The following DENND4A variants were observed in gnomAD, a reference collection of about 807,000 sequenced individuals.
DENND4A encodes DENN domain containing 4A.
DENND4A carries 70 observed loss-of-function variants against 199.3 expected under a neutral mutation model. The observed-to-expected ratio is 0.35, with a 90% CI of 0.29 to 0.43. The LOEUF is 0.43. DENND4A is among the 20% of genes least tolerant of loss of function. The pLI, the probability that DENND4A is intolerant of heterozygous loss-of-function variation, is 1.00. For synonymous variants in DENND4A, 686 were observed against 766.9 expected (o/e 0.89, Z 1.74); for missense variants, 1,723 against 2,255.8 (o/e 0.76, Z 4.78).
At chr15:65,727,343 C>A (rs1007494880) in intron 11 of DENND4A, among the ~76,000 whole-genome samples, 1 of 150,280 alleles carries the variant, frequency 6.7e-6, no homozygotes, top group Non-Finnish European at 1.5e-5. Context: ...GTCCCAGCTA[C>A]TTGGGAGGCT....
intron 4 of DENND4A, 53 bp downstream of exon 4, chr15:65,752,322 TAAAA>T: frequency 6.1e-6 from 3 of 490,722 alleles, no homozygotes; most frequent in Non-Finnish European, 9.6e-6. Context: ...AAGATGTATT[TAAAA>T]TTATGCTCTT....
At chr15:65,723,729 A>G (rs1342420562) in intron 11 of DENND4A, among the ~76,000 whole-genome samples, 2 of 152,178 alleles carry the variant, frequency 1.3e-5, no homozygotes, top group Non-Finnish European at 2.9e-5. Flanking sequence ...CGATAACAAT[A>G]ATTTATAATA....
At position 65,669,328 on chromosome 15, in the gene DENND4A, C is replaced by T. The variant is rs143512258; in HGVS notation, c.4787+451G>A. Among the ~76,000 whole-genome samples the T allele has an allele frequency of 3.6e-3, 545 of 152,168 alleles. 3 individuals carry two copies. The highest frequency in any genetic ancestry group is 0.013 in the African/African-American group (526 of 41,522). On this transcript the variant is annotated intron_variant, in intron 27 of 32. Transcript: ENST00000443035. ...TAAGTGTAGATTTACTTATATTAGG[C>T]TTACTATATAAATTTTAGTTTAATT...
chr15:65,685,497 G>A (rs546976963), intron 23 of DENND4A, among the ~76,000 whole-genome samples: 3 of 152,330 alleles, frequency 2.0e-5, no homozygotes, highest in South Asian at 4.1e-4. Flanking sequence ...TATAAGTTGA[G>A]TGTCTACATT....
chr15:65,696,487 ACTCTCT>A lies in DENND4A; in HGVS notation c.2955_2960del (p.Glu988_Ser989del). Reference sequence around the variant, plus strand: ...AATCAGCACTTCCTTTTGTACTCTCACTCTCTGACACTGTAAAGATGAAAATGAAAA... The same window carrying A: ...AATCAGCACTTCCTTTTGTACTCTCAGACACTGTAAAGATGAAAATGAAAA... On this transcript the variant is annotated inframe_deletion, in exon 22 of 33. Coordinates refer to ENST00000443035, the MANE Select transcript of DENND4A (RefSeq NM_001320835.1). 1 of 1,609,688 alleles carries A rather than the reference ACTCTCT, an allele frequency of 6.2e-7. No individual in the cohort carries two copies. The highest frequency in any genetic ancestry group is 8.5e-7 in the Non-Finnish European group (1 of 1,177,034).
intron 14 of DENND4A, among the ~76,000 whole-genome samples, chr15:65,709,463 T>C (rs1407529748): frequency 6.6e-6 from 1 of 151,910 alleles, no homozygotes; most frequent in Non-Finnish European, 1.5e-5. Flanking sequence ...CCCAGCACTT[T>C]GGGAGGTCGA....
At position 65,738,779 on chromosome 15, in the gene DENND4A, C is replaced by A; in HGVS notation, c.728G>T (p.Cys243Phe). Residue 243 changes from cysteine to phenylalanine, a missense_variant, in exon 6 of 33, where the codon TGT (cysteine) becomes TTT (phenylalanine). Transcript: ENST00000443035. The stretch of plus-strand genomic sequence containing the variant: ...AGGGTATTTGCTATTTGATGGCCAA[C>A]ATTCAATGGTTGCACCCATTGGTAA... ...FCLPMGATIE[C>F]WPSNSKYPLP... The A allele has an allele frequency of 6.2e-7, 1 of 1,612,644 alleles. No homozygotes were observed. The highest frequency in any genetic ancestry group is 2.2e-5 in the East Asian group (1 of 44,742).
intron 12 of DENND4A, among the ~76,000 whole-genome samples, chr15:65,719,799 A>G (rs925484597): frequency 1.3e-5 from 2 of 151,272 alleles, no homozygotes; most frequent in African/African-American, 2.4e-5. Context: ...GGAGGCTGAG[A>G]TGGGAGGATC....
chr15:65,750,650 C>G (rs1241317262), intron 4 of DENND4A, among the ~76,000 whole-genome samples: 1 of 152,058 alleles, frequency 6.6e-6, no homozygotes, highest in Non-Finnish European at 1.5e-5. Flanking sequence ...GAACAAGAAC[C>G]TTCATTTTCT....
chr15:65,784,798 G>T (rs756517576), intron 1 of DENND4A, among the ~76,000 whole-genome samples: 1 of 152,022 alleles, frequency 6.6e-6, no homozygotes, highest in Non-Finnish European at 1.5e-5. Context: ...CAAGCAGGAG[G>T]AGGCCACTCA....
rs1368324234 is a variant in DENND4A, at chr15:65,757,842, C to T, written c.-22-1370G>A. 3.3e-5 allele frequency among the ~76,000 whole-genome samples: 5 copies of T among 152,114 alleles called. No homozygotes were observed. In the East Asian group the frequency reaches 7.7e-4, roughly 24 times the overall value. ...TACTAAAAATACAAAATTAGCCAGG[C>T]GTGGTGACACATGCCTGTAATTCCG... On this transcript the variant is annotated intron_variant, in intron 2 of 32. Coordinates refer to ENST00000443035, the MANE Select transcript of DENND4A (RefSeq NM_001320835.1).
rs893417239 is a variant in DENND4A at position 65,668,088 on chromosome 15, C to T, written c.4823G>A (p.Ser1608Asn). 4.4e-6 allele frequency: 7 copies of T among 1,579,816 alleles called. No individual in the cohort carries two copies. Among genetic ancestry groups the T allele is most frequent in the South Asian group, 1.2e-5 (1 of 84,672 alleles). Reference protein sequence around the residue: ...SKLQENFCTRSIQIPANRSKT... With the variant: ...SKLQENFCTRNIQIPANRSKT... ...TGATCTATTAGCAGGGATCTGAATA[C>T]TTCGGGTGCAAAAATTTTCCTGCAG... Residue 1608 changes from serine to asparagine, a missense_variant, in exon 28 of 33, where the codon AGT becomes AAT. Physicochemically the swap from Ser to Asn is conservative, Grantham distance 46 (BLOSUM62 1). Transcript: ENST00000443035.
Position 65,660,575 on chromosome 15 carries a change from C to A in DENND4A, c.*1276G>T. On this transcript the variant is annotated 3_prime_UTR_variant, in exon 33 of 33. Coordinates refer to ENST00000443035, the MANE Select transcript of DENND4A (RefSeq NM_001320835.1). ...GATGTTTTTCCTTACCAGAAATTAC[C>A]CAAAGAAAGTTACATTAGAAATAAT... is the stretch of plus-strand genomic sequence containing the variant. The A allele has an allele frequency of 2.7e-6, 1 of 369,930 alleles. No homozygotes were observed. The highest frequency in any genetic ancestry group is 4.8e-6 in the Non-Finnish European group (1 of 207,480). 22.9% of individuals were successfully genotyped at this position (369,930 alleles called of 1,614,324 possible).
intron 8 of DENND4A, 97 bp from the exon 9 acceptor site, chr15:65,731,797 G>A: frequency 2.4e-6 from 2 of 840,900 alleles, no homozygotes; most frequent in South Asian, 1.8e-5. Flanking sequence ...TTATGCCCAT[G>A]AAGTTTCAGT....
At chr15:65,672,004 T>A in intron 24 of DENND4A, 118 bp from the exon 25 acceptor site, 1 of 668,966 alleles carries the variant, frequency 1.5e-6, no homozygotes, top group Non-Finnish European at 2.6e-6. Context: ...GTCAAAATAT[T>A]AAAACTAATT....
At chr15:65,750,083 A>G (rs2076521205) in intron 4 of DENND4A, among the ~76,000 whole-genome samples, 1 of 151,910 alleles carries the variant, frequency 6.6e-6, no homozygotes, top group Non-Finnish European at 1.5e-5. Flanking sequence ...AAATAAACTG[A>G]TAACGATAGA....
intron 23 of DENND4A, among the ~76,000 whole-genome samples, chr15:65,689,017 T>G (rs1267680983): frequency 6.6e-6 from 1 of 152,220 alleles, no homozygotes; most frequent in Non-Finnish European, 1.5e-5. Context: ...GACAGTTATT[T>G]TCTTTCAGCA....
chr15:65,664,780 A>C, intron 30 of DENND4A, 58 bp from the exon 31 acceptor site: 1 of 1,419,980 alleles, frequency 7.0e-7, no homozygotes, highest in Non-Finnish European at 9.5e-7. Flanking sequence ...AGGAGAAAGA[A>C]ATTAAGCAGC....
chr15:65,792,106 C>T lies in DENND4A; in HGVS notation c.-198G>A. The T allele has an allele frequency of 6.5e-6, 1 of 152,844 alleles. No individual in the cohort carries two copies. Among genetic ancestry groups the T allele is most frequent in the South Asian group, 1.9e-4 (1 of 5,294 alleles). The allele number at this position is 152,844 out of a possible 1,614,324, so 9.5% of individuals were successfully genotyped here. A position where few individuals can be genotyped will look rare whatever the true frequency, so the allele number is the denominator to read the frequency against. Reference sequence around the variant, plus strand: ...GCGGAACACGAGGGGCTGAATGCCGCGGCGCTCTGAGCCCGCTTAGCTCAT... The same window carrying T: ...GCGGAACACGAGGGGCTGAATGCCGTGGCGCTCTGAGCCCGCTTAGCTCAT... On this transcript the variant is annotated 5_prime_UTR_variant, in exon 1 of 33. Coordinates refer to ENST00000443035, the MANE Select transcript of DENND4A (RefSeq NM_001320835.1).
Sources: allele counts gnomAD v4.1 joint callset (sites outside exome capture counted in the v4.1 genomes callset), GRCh38; gene constraint gnomAD v4.1.1; transcripts MANE v1.5; gene names NCBI Gene and HGNC (gene_info 2026-07-23, HGNC 2026-07-21).